Variants in SIK3 observed in about 807,000 individuals in gnomAD.
SIK3 encodes the protein SIK family kinase 3.
Under a neutral mutation model 144.2 loss-of-function variants are expected in SIK3, and 28 were observed. The ratio of observed to expected loss-of-function variants is 0.19; its 90% CI spans 0.14 to 0.27. The LOEUF (loss-of-function observed/expected upper bound fraction) is 0.27, where lower values mean the gene tolerates loss of function less well. Among genes scored for constraint, SIK3 ranks in the 10% least tolerant of loss-of-function variants. The probability of loss-of-function intolerance (pLI) is 1.00; values close to 1 mark genes in which losing one functional copy is unlikely to be tolerated. For missense variants in SIK3, 1,319 were observed against 1,776.0 expected, an observed-to-expected ratio of 0.74 and a Z score of 4.62; for synonymous variants, 686 against 676.3, an observed-to-expected ratio of 1.01 and a Z score of -0.22.
In SIK3 at chr11:116,870,371, C is replaced by G; in HGVS notation, c.1768G>C (p.Glu590Gln). ...TGGTCTGGCTCCCCGTCTGAGCTCT[C>G]CTCGTCCACAGGGGTAACTGCTGGC... ...AVPAVTPVDE[E>Q]SSDGEPDQEA... The change falls in exon 14 of 25, where the codon GAG becomes CAG. Residue 590 changes from glutamate to glutamine, a missense_variant. Glu to Gln is a conservative substitution (Grantham distance 29). Transcript: ENST00000445177. 1 of 1,612,652 alleles carries G rather than the reference C, an allele frequency of 6.2e-7. No homozygotes were observed. Among genetic ancestry groups the G allele is most frequent in the South Asian group, 1.1e-5 (1 of 91,020 alleles).
intron 1 of SIK3, among the ~76,000 whole-genome samples, chr11:117,046,392 C>T (rs931038814): frequency 6.6e-6 from 1 of 152,180 alleles, no homozygotes; most frequent in Non-Finnish European, 1.5e-5. Context: ...AAAAGTTTTG[C>T]TCACATACCT....
chr11:116,973,563 T>C (rs2513092), intron 1 of SIK3, among the ~76,000 whole-genome samples: 8,604 of 152,210 alleles, frequency 0.057, 518 homozygotes, highest in African/African-American at 0.15. Flanking sequence ...CAAAAGCATG[T>C]GCATCTAATG....
Position 116,849,019 on chromosome 11 carries a change from T to C in SIK3, c.3819+101A>G. The stretch of plus-strand genomic sequence containing the variant: ...GTTTCCAGAAAGGCTGAATGCTGAC[T>C]GAGGAGAGCGGCCAAGAGAGGCTAC... On this transcript the variant is annotated intron_variant, in intron 22 of 24. Coordinates refer to ENST00000445177, the MANE Select transcript of SIK3 (RefSeq NM_001366686.3). This position sits in a 1 kb window ranked among gnomAD's most constrained non-coding sequence, Gnocchi z 4.2. The C allele has an allele frequency of 7.6e-6, 10 of 1,324,030 alleles. No individual in the cohort carries two copies. Among genetic ancestry groups the C allele is most frequent in the Non-Finnish European group, 9.1e-6 (9 of 985,248 alleles). 82.0% of individuals were successfully genotyped at this position (1,324,030 alleles called of 1,614,324 possible).
rs541691918 is a variant in SIK3 at position 116,845,235 on chromosome 11, T to C, written c.*408A>G. 51 of 151,616 alleles carry C rather than the reference T, an allele frequency of 3.4e-4. 1 individual carries two copies. The highest frequency in any genetic ancestry group is 1.2e-3 in the African/African-American group (51 of 41,240). 9.4% of individuals were successfully genotyped at this position (151,616 alleles called of 1,614,324 possible). A position where few individuals can be genotyped will look rare whatever the true frequency, so the allele number is the denominator to read the frequency against. ...CCTGAGGCCGCTGGCCTCTGAACTC[T>C]AACTGCTTTGCTCTCCTGTTTCAAA... On this transcript the variant is annotated 3_prime_UTR_variant, in exon 25 of 25. Transcript: ENST00000445177.
chr11:117,023,769 A>G (rs1274229259), intron 1 of SIK3, among the ~76,000 whole-genome samples: 1 of 151,418 alleles, frequency 6.6e-6, no homozygotes, highest in East Asian at 1.9e-4. Context: ...CTCCGCCTCT[A>G]GGGTTCAAGT....
At chr11:117,058,750 C>G (rs1386399027) in intron 1 of SIK3, among the ~76,000 whole-genome samples, 1 of 152,048 alleles carries the variant, frequency 6.6e-6, no homozygotes, top group Non-Finnish European at 1.5e-5. Context: ...GAGAAAACTA[C>G]TAAAGAGAAT....
At chr11:117,011,478 G>C (rs1044994147) in intron 1 of SIK3, among the ~76,000 whole-genome samples, 2 of 152,144 alleles carry the variant, frequency 1.3e-5, no homozygotes, top group African/African-American at 2.4e-5. Flanking sequence ...ATAACAGAGA[G>C]TGGATTCTGA....
At chr11:116,896,124 G>A (rs1945383279) in intron 6 of SIK3, 129 bp downstream of exon 6, 1 of 1,315,296 alleles carries the variant, frequency 7.6e-7, no homozygotes, top group Non-Finnish European at 1.1e-6. Flanking sequence ...GGAGGCATCA[G>A]GTCAGCAAGC....
Position 116,843,908 on chromosome 11 carries a change from G to A in SIK3, c.*1735C>T, listed in dbSNP as rs921464388. 2.0e-4 allele frequency: 31 copies of A among 152,260 alleles called. No individual in the cohort carries two copies. The highest frequency in any genetic ancestry group is 7.2e-4 in the African/African-American group (30 of 41,542). The allele number at this position is 152,260 out of a possible 1,614,324, so 9.4% of individuals were successfully genotyped here. A position where few individuals can be genotyped will look rare whatever the true frequency, so the allele number is the denominator to read the frequency against. On this transcript the variant is annotated 3_prime_UTR_variant, in exon 25 of 25. Transcript: ENST00000445177. ...TCCACTCAAGGGATCTTGGGTCCAG[G>A]AGCCGAGCTGCCAGTATCAGTGGAG...
chr11:116,926,583 G>C (rs1288992741), intron 4 of SIK3, among the ~76,000 whole-genome samples: 1 of 152,142 alleles, frequency 6.6e-6, no homozygotes, highest in Non-Finnish European at 1.5e-5. Flanking sequence ...AGGTGAGAGG[G>C]TATACAATTT....
intron 4 of SIK3, among the ~76,000 whole-genome samples, chr11:116,907,122 C>A (rs1946082718): frequency 6.6e-6 from 1 of 152,106 alleles, no homozygotes; most frequent in Non-Finnish European, 1.5e-5. Flanking sequence ...GCTACAGCAC[C>A]TTGTATTTAT....
chr11:116,895,031 T>C (rs1013582185), intron 6 of SIK3, among the ~76,000 whole-genome samples: 3 of 152,204 alleles, frequency 2.0e-5, no homozygotes, highest in Non-Finnish European at 4.4e-5. Flanking sequence ...AAACTCAGAT[T>C]ACATCACTCC....
chr11:116,863,886 G>A, intron 15 of SIK3, 68 bp from the exon 16 acceptor site: 6 of 1,457,976 alleles, frequency 4.1e-6, no homozygotes, highest in Non-Finnish European at 4.6e-6. Context: ...CACAGGGACT[G>A]CTGTTCCAGA....
chr11:116,882,868 A>T (rs1231168716), intron 6 of SIK3, among the ~76,000 whole-genome samples: 1 of 152,240 alleles, frequency 6.6e-6, no homozygotes, highest in Non-Finnish European at 1.5e-5. Flanking sequence ...TCTCACTTCA[A>T]AGAGGGTTCT....
At chr11:116,943,713 G>A (rs576617591) in intron 3 of SIK3, among the ~76,000 whole-genome samples, 6 of 151,992 alleles carry the variant, frequency 3.9e-5, no homozygotes, top group African/African-American at 9.7e-5. Context: ...CTTTCTCTCC[G>A]GTGACCTAGA....
chr11:117,016,371 AG>A (rs1296252811), intron 1 of SIK3, among the ~76,000 whole-genome samples: 3 of 47,674 alleles, frequency 6.3e-5, no homozygotes, highest in African/African-American at 1.3e-4. Flanking sequence ...GGAGGGAAGG[AG>A]AGGGAGGGAG....
intron 3 of SIK3, among the ~76,000 whole-genome samples, chr11:116,941,409 A>T (rs1340004864): frequency 4.0e-4 from 2 of 5,002 alleles, no homozygotes; most frequent in Non-Finnish European, 1.7e-3. Context: ...AAAAACATGT[A>T]AAAAAAAAAA....
chr11:117,094,562 A>C (rs542370324), intron 1 of SIK3, among the ~76,000 whole-genome samples: 1 of 152,130 alleles, frequency 6.6e-6, no homozygotes, highest in East Asian at 1.9e-4. Context: ...GAACTCTGGC[A>C]GTGTCACTGC....
At chr11:116,981,670 T>G (rs1255215929) in intron 1 of SIK3, among the ~76,000 whole-genome samples, 2 of 152,114 alleles carry the variant, frequency 1.3e-5, no homozygotes, top group Non-Finnish European at 2.9e-5. Flanking sequence ...TTACGCAAAC[T>G]CACATTTCTT....
Sources: gnomAD v4.1 joint callset for allele counts (sites outside exome capture counted in the v4.1 genomes callset) on GRCh38, gnomAD v4.1.1 for gene constraint, Gnocchi (gnomAD v3.1) non-coding constraint, MANE v1.5 for transcripts, NCBI Gene and HGNC (gene_info 2026-07-23, HGNC 2026-07-21) for gene names.